The following SAMD13 variants were observed in gnomAD, a reference collection of about 807,000 sequenced individuals.
SAMD13 encodes the protein sterile alpha motif domain containing 13.
Under a neutral mutation model 12.4 loss-of-function variants are expected in SAMD13, and 9 were observed. The observed-to-expected ratio is 0.72, with a 90% confidence interval of 0.44 to 1.26. SAMD13 has a LOEUF of 1.26. SAMD13 is among the 50% of genes most tolerant of loss of function. The pLI is 0.00. For synonymous variants in SAMD13, 46 were observed against 45.4 expected, an observed-to-expected ratio of 1.01 and a Z score of -0.05; for missense variants, 84 against 119.6, an observed-to-expected ratio of 0.70 and a Z score of 1.39.
At chr1:84,338,017 G>T (rs1679339216) in intron 3 of SAMD13, among the ~76,000 whole-genome samples, 1 of 152,108 alleles carries the variant, frequency 6.6e-6, no homozygotes, top group Admixed American at 6.5e-5. Flanking sequence ...ATCTCCATCT[G>T]AGACCACCTC....
intron 3 of SAMD13, among the ~76,000 whole-genome samples, chr1:84,327,746 A>T (rs1305262931): frequency 2.0e-5 from 3 of 152,206 alleles, no homozygotes; most frequent in African/African-American, 7.2e-5. Context: ...AAGGGTGACT[A>T]TGTGGACATA....
intron 2 of SAMD13, among the ~76,000 whole-genome samples, chr1:84,315,364 T>C (rs1213821442): frequency 6.6e-6 from 1 of 152,214 alleles, no homozygotes; most frequent in Non-Finnish European, 1.5e-5. Flanking sequence ...CTTGGTTATT[T>C]CACTTAGCAC....
At chr1:84,301,005 G>A (rs1024835160), upstream of SAMD13, among the ~76,000 whole-genome samples, 1 of 152,136 alleles carries the variant, frequency 6.6e-6, no homozygotes, top group South Asian at 2.1e-4. Context: ...AGAACTAATT[G>A]TTTTCGTTTT....
intron 2 of SAMD13, 101 bp from the exon 3 acceptor site, chr1:84,325,536 C>A (rs949644761): frequency 2.8e-6 from 2 of 708,966 alleles, no homozygotes; most frequent in Non-Finnish European, 5.1e-6. Flanking sequence ...CATCTGAACC[C>A]AAAAAACATG....
At chr1:84,322,869 T>C (rs1678976530) in intron 2 of SAMD13, among the ~76,000 whole-genome samples, 2 of 152,194 alleles carry the variant, frequency 1.3e-5, no homozygotes, top group South Asian at 2.1e-4. Flanking sequence ...ATGGAAGTCA[T>C]GATGTTATAT....
chr1:84,322,406 C>T (rs1196361626), intron 2 of SAMD13, among the ~76,000 whole-genome samples: 6 of 152,142 alleles, frequency 3.9e-5, no homozygotes, highest in Admixed American at 1.3e-4. Context: ...GCCTTCGTTT[C>T]CCAAAAGCAG....
At chr1:84,302,337 C>CTTTTTTTTTTTTTT (rs34069417) in intron 1 of SAMD13, among the ~76,000 whole-genome samples, 1 of 123,166 alleles carries the variant, frequency 8.1e-6, no homozygotes, top group African/African-American at 3.0e-5. Flanking sequence ...CTGTTTCTTC[C>CTTTTTTTTTTTTTT]TTTTTTTTTT....
chr1:84,329,756 G>C (rs1375236300), intron 3 of SAMD13, among the ~76,000 whole-genome samples: 1 of 152,166 alleles, frequency 6.6e-6, no homozygotes. Context: ...CAAGTCAAAA[G>C]AATCATCAAG....
intron 2 of SAMD13, among the ~76,000 whole-genome samples, 199 bp from the exon 3 acceptor site, chr1:84,325,438 A>G (rs1181682385): frequency 2.0e-5 from 3 of 152,192 alleles, no homozygotes; most frequent in Admixed American, 6.5e-5. Context: ...ACCACTCTCA[A>G]TGTCTCTGGA....
chr1:84,336,967 T>C (rs1679310114), intron 3 of SAMD13, among the ~76,000 whole-genome samples: 1 of 152,098 alleles, frequency 6.6e-6, no homozygotes, highest in Non-Finnish European at 1.5e-5. Context: ...AGCAGGGCAG[T>C]CAAATCTTTA....
rs190593772 is a variant in SAMD13 at position 84,325,223 on chromosome 1, G to A, written c.54-414G>A. 1.5e-4 allele frequency among the ~76,000 whole-genome samples: 23 copies of A among 152,230 alleles called. No individual in the cohort carries two copies. The East Asian group carries it at 4.2e-3, about 28-fold the overall frequency. On this transcript the variant is annotated intron_variant, in intron 2 of 3. Coordinates refer to ENST00000394834, the MANE Select transcript of SAMD13 (RefSeq NM_001134663.2). ...GGTGTGGGGGCATTGTAAGTGGCTG[G>A]GACAGAATGTGCAGAGGCTCAGATC...
intron 2 of SAMD13, among the ~76,000 whole-genome samples, chr1:84,313,354 C>T (rs1219776778): frequency 6.6e-6 from 1 of 152,074 alleles, no homozygotes; most frequent in Non-Finnish European, 1.5e-5. Context: ...ACGTGACACA[C>T]TCTTATCATT....
intron 3 of SAMD13, among the ~76,000 whole-genome samples, chr1:84,334,757 AT>A (rs1679259541): frequency 6.6e-6 from 1 of 151,938 alleles, no homozygotes; most frequent in Non-Finnish European, 1.5e-5. Context: ...GGTATGTTGT[AT>A]TTTTGTTCTC....
chr1:84,315,064 C>A (rs1184157331), intron 2 of SAMD13, among the ~76,000 whole-genome samples: 3 of 135,030 alleles, frequency 2.2e-5, no homozygotes, highest in Admixed American at 1.6e-4. Flanking sequence ...TTCCTTCTTT[C>A]TTTTTCTTCT....
intron 2 of SAMD13, among the ~76,000 whole-genome samples, chr1:84,319,175 A>G (rs993620744): frequency 6.6e-6 from 1 of 152,178 alleles, no homozygotes; most frequent in Non-Finnish European, 1.5e-5. Context: ...AACAGAGACC[A>G]TTGTGCTGTG....
chr1:84,339,044 C>A (rs761995854), intron 3 of SAMD13, among the ~76,000 whole-genome samples: 9 of 152,212 alleles, frequency 5.9e-5, no homozygotes, highest in Non-Finnish European at 1.3e-4. Context: ...CATCTTTCAG[C>A]TCCCATATAT....
chr1:84,309,589 G>T (rs185450358), intron 2 of SAMD13, among the ~76,000 whole-genome samples: 269 of 152,240 alleles, frequency 1.8e-3, no homozygotes, highest in Admixed American at 4.6e-3. Flanking sequence ...GGGTCAATAT[G>T]ATTTTGGCAT....
chr1:84,327,638 A>G (rs968260273), intron 3 of SAMD13, among the ~76,000 whole-genome samples: 6 of 152,238 alleles, frequency 3.9e-5, no homozygotes, highest in African/African-American at 1.2e-4. Context: ...AAAAACACCT[A>G]AACAGTGGTA....
At chr1:84,343,406 T>C (rs1300388436) in intron 3 of SAMD13, among the ~76,000 whole-genome samples, 1 of 152,230 alleles carries the variant, frequency 6.6e-6, no homozygotes, top group Non-Finnish European at 1.5e-5. Flanking sequence ...CATGCACATG[T>C]CTGTTCATTG....
Sources: allele counts gnomAD v4.1 joint callset (sites outside exome capture counted in the v4.1 genomes callset), GRCh38; gene constraint gnomAD v4.1.1; transcripts MANE v1.5; gene names NCBI Gene and HGNC (gene_info 2026-07-23, HGNC 2026-07-21).